The following VLDLR variants were observed in gnomAD, a reference collection of about 807,000 sequenced individuals.
VLDLR encodes very low-density lipoprotein receptor.
A neutral mutation model predicts 112.7 loss-of-function variants in VLDLR; 81 were observed. The ratio of observed to expected loss-of-function variants is 0.72; its 90% CI spans 0.60 to 0.86. VLDLR has a LOEUF of 0.86. Ranked by LOEUF, VLDLR falls within the 40% of genes least tolerant of loss-of-function variation. The pLI is 0.00. For synonymous variants in VLDLR, 436 were observed against 384.8 expected (o/e 1.13, Z -1.56); for missense variants, 1,237 against 1,099.4 (o/e 1.13, Z -1.77).
At position 2,652,785 on chromosome 9, in the gene VLDLR, T is replaced by C; in HGVS notation, c.2422T>C (p.Leu808=). Residue 808 remains leucine, a synonymous_variant, in exon 18 of 19, where the codon TTA becomes CTA. Transcript: ENST00000382100. The part of the protein sequence containing the change: ...AAWAILPLLL[L]VMAAVGGYLM... ...TACCCTCTGATTTTTTTCAGTGCTC[T>C]TAGTGATGGCAGCAGTAGGTGGCTA... 1 of 1,614,088 alleles carries C rather than the reference T, an allele frequency of 6.2e-7. No homozygotes were observed. Among genetic ancestry groups the C allele is most frequent in the Non-Finnish European group, 8.5e-7 (1 of 1,179,972 alleles).
chr9:2,655,682 A>T lies in VLDLR; in HGVS notation c.*1814A>T, dbSNP rs1248043909. Reference sequence around the variant, plus strand: ...TGTGATTTTGGTCAACTGAATGAAAAAGAAAAGATAGCCTTGGACTTTTTT... The same window carrying T: ...TGTGATTTTGGTCAACTGAATGAAATAGAAAAGATAGCCTTGGACTTTTTT... On this transcript the variant is annotated 3_prime_UTR_variant, in exon 19 of 19. Coordinates refer to ENST00000382100, the MANE Select transcript of VLDLR (RefSeq NM_003383.5). 6.6e-6 allele frequency: 1 copy of T among 152,108 alleles called. No individual in the cohort carries two copies. 9.4% of individuals were successfully genotyped at this position (152,108 alleles called of 1,614,324 possible).
chr9:2,625,019 G>T (rs551911318), intron 1 of VLDLR, among the ~76,000 whole-genome samples: 1 of 152,160 alleles, frequency 6.6e-6, no homozygotes, highest in African/African-American at 2.4e-5. Context: ...AAGTAGAGCT[G>T]CCAAATATTA....
At chr9:2,632,587 TG>T (rs1240434647) in intron 1 of VLDLR, among the ~76,000 whole-genome samples, 2 of 152,226 alleles carry the variant, frequency 1.3e-5, no homozygotes, top group African/African-American at 2.4e-5. Context: ...CCCAAAGCTT[TG>T]GAAACCAAAA....
chr9:2,645,103 A>AT (rs758730885), intron 9 of VLDLR, 21 bp downstream of exon 9: 6 of 1,614,022 alleles, frequency 3.7e-6, no homozygotes, highest in Non-Finnish European at 5.1e-6. Flanking sequence ...TTGGACTGGT[A>AT]TGGCTGTTGT....
Position 2,658,829 on chromosome 9 carries a change from TATG to T in VLDLR, c.*4966_*4968del, listed in dbSNP as rs953589011. The T allele has an allele frequency of 1.3e-5, 2 of 152,174 alleles. No individual in the cohort carries two copies. The highest frequency in any genetic ancestry group is 4.8e-5 in the African/African-American group (2 of 41,436). The allele number at this position is 152,174 out of a possible 1,614,324, so 9.4% of individuals were successfully genotyped here. A position where few individuals can be genotyped will look rare whatever the true frequency, so the allele number is the denominator to read the frequency against. On this transcript the variant is annotated 3_prime_UTR_variant, in exon 19 of 19. Coordinates refer to ENST00000382100, the MANE Select transcript of VLDLR (RefSeq NM_003383.5). ...GGTGAAAGTCACAGGTACCTTTATC[TATG>T]ATGAATGTAATGTGTTAGATGGTGA...
chr9:2,643,018 T>A, intron 4 of VLDLR, 142 bp from the exon 5 acceptor site: 1 of 1,264,880 alleles, frequency 7.9e-7, no homozygotes, highest in Non-Finnish European at 1.1e-6. Context: ...CAAAAGTTCT[T>A]GATTTAACTC....
chr9:2,636,678 A>C (rs898100001), intron 2 of VLDLR, among the ~76,000 whole-genome samples: 1 of 152,208 alleles, frequency 6.6e-6, no homozygotes, highest in African/African-American at 2.4e-5. Flanking sequence ...CCTGTGCAAC[A>C]CTTTATCATC....
intron 1 of VLDLR, among the ~76,000 whole-genome samples, chr9:2,626,544 T>C (rs1228803397): frequency 6.6e-6 from 1 of 152,208 alleles, no homozygotes; most frequent in Non-Finnish European, 1.5e-5. Context: ...AGAGAATGCC[T>C]GTTAGGTCCT....
intron 9 of VLDLR, 77 bp downstream of exon 9, chr9:2,645,159 A>G (rs147010791): frequency 3.2e-5 from 51 of 1,599,300 alleles, no homozygotes; most frequent in Middle Eastern, 3.3e-4. Flanking sequence ...AGTGACTACA[A>G]TAGTCAAACT....
intron 14 of VLDLR, 96 bp from the exon 15 acceptor site, chr9:2,650,274 G>C: frequency 6.6e-7 from 1 of 1,514,658 alleles, no homozygotes; most frequent in South Asian, 1.2e-5. Flanking sequence ...TTAAGCTCTT[G>C]GGGGCAAGGA....
At chr9:2,653,688 A>C (rs1301288670) in intron 18 of VLDLR, 145 bp from the exon 19 acceptor site, 5 of 819,966 alleles carry the variant, frequency 6.1e-6, no homozygotes, top group African/African-American at 1.7e-5. Flanking sequence ...GATACAACTC[A>C]GTATTCTTTT....
intron 2 of VLDLR, among the ~76,000 whole-genome samples, chr9:2,637,261 C>G (rs565090809): frequency 1.3e-5 from 2 of 152,318 alleles, no homozygotes; most frequent in South Asian, 4.1e-4. Context: ...AGTCTAACCT[C>G]TTAATATGGA....
Position 2,656,247 on chromosome 9 carries a change from C to A in VLDLR, c.*2379C>A, listed in dbSNP as rs1818600418. 1 of 151,900 alleles carries A rather than the reference C, an allele frequency of 6.6e-6. No homozygotes were observed. Among genetic ancestry groups the A allele is most frequent in the African/African-American group, 2.4e-5 (1 of 41,336 alleles). The allele number at this position is 151,900 out of a possible 1,614,324, so 9.4% of individuals were successfully genotyped here. A position where few individuals can be genotyped will look rare whatever the true frequency, so the allele number is the denominator to read the frequency against. ...TACAACTCATTGTACCTACGAGGTA[C>A]AAACTCATTTGTAGAAACAAAGTAA... is the stretch of plus-strand genomic sequence containing the variant. On this transcript the variant is annotated 3_prime_UTR_variant, in exon 19 of 19. Coordinates refer to ENST00000382100, the MANE Select transcript of VLDLR (RefSeq NM_003383.5).
In VLDLR at chr9:2,644,982, A is replaced by T; in HGVS notation, c.1212A>T (p.Gly404=). Residue 404 remains glycine (G), a synonymous_variant, in exon 9 of 19, where the codon GGA becomes GGT. Transcript: ENST00000382100. The stretch of plus-strand genomic sequence containing the variant: ...ATATTGATGAATGCCAAAATCCAGG[A>T]ATCTGCAGTCAAATTTGTATCAACT... ...CGDIDECQNP[G]ICSQICINLK... is the part of the protein sequence containing the mutation. 6.2e-7 allele frequency: 1 copy of T among 1,614,220 alleles called. No homozygotes were observed. Among genetic ancestry groups the T allele is most frequent in the South Asian group, 1.1e-5 (1 of 91,088 alleles).
At chr9:2,625,882 A>G (rs1471286255) in intron 1 of VLDLR, among the ~76,000 whole-genome samples, 8 of 152,216 alleles carry the variant, frequency 5.3e-5, no homozygotes, top group Admixed American at 5.2e-4. Context: ...GAGGACTGAT[A>G]GTTTTTCTGA....
intron 1 of VLDLR, among the ~76,000 whole-genome samples, chr9:2,633,155 A>G (rs1489559878): frequency 6.6e-6 from 1 of 151,886 alleles, no homozygotes; most frequent in East Asian, 1.9e-4. Flanking sequence ...AAGTGGAAAT[A>G]TCTCGGATAA....
chr9:2,652,036 T>C, intron 17 of VLDLR, 82 bp downstream of exon 17: 1 of 1,288,636 alleles, frequency 7.8e-7, no homozygotes, highest in Non-Finnish European at 1.1e-6. Context: ...GAGCTACCCC[T>C]TTCATGGGCC....
chr9:2,654,629 A>G lies in VLDLR; in HGVS notation c.*761A>G, dbSNP rs1450224899. ...TCTTACACCCTAGCACAGTTAAAAA[A>G]TGAAGTACTGTTTAACATTTGCTCC... On this transcript the variant is annotated 3_prime_UTR_variant, in exon 19 of 19. Transcript: ENST00000382100. The G allele has an allele frequency of 4.6e-5, 7 of 152,254 alleles. No homozygotes were observed. Among genetic ancestry groups the G allele is most frequent in the Non-Finnish European group, 1.0e-4 (7 of 68,044 alleles). The allele number at this position is 152,254 out of a possible 1,614,324, so 9.4% of individuals were successfully genotyped here.
At chr9:2,648,646 C>T (rs758047200) in intron 13 of VLDLR, 23 bp from the exon 14 acceptor site, 1 of 1,614,102 alleles carries the variant, frequency 6.2e-7, no homozygotes, top group Non-Finnish European at 8.5e-7. Context: ...GATGTACATG[C>T]TAATTGTGGG....
Sources: allele counts gnomAD v4.1 joint callset (sites outside exome capture counted in the v4.1 genomes callset), GRCh38; gene constraint gnomAD v4.1.1; transcripts MANE v1.5; gene names NCBI Gene and HGNC (gene_info 2026-07-23, HGNC 2026-07-21).